Variants in UBE2QL1 observed in about 807,000 individuals in gnomAD.
UBE2QL1 encodes the protein ubiquitin conjugating enzyme E2 QL1.
A neutral mutation model predicts 12.6 loss-of-function variants in UBE2QL1; 5 were observed. The observed-to-expected ratio is 0.40, with a 90% confidence interval of 0.21 to 0.83. The LOEUF is 0.83. Among genes scored for constraint, UBE2QL1 ranks in the 40% least tolerant of loss-of-function variants. The pLI is 0.37. For synonymous variants in UBE2QL1, 96 were observed against 94.5 expected (o/e 1.02, Z -0.10); for missense variants, 99 against 222.6 (o/e 0.44, Z 3.53).
chr5:6,462,475 T>C lies in UBE2QL1; in HGVS notation c.354+13228T>C, dbSNP rs73036237. ...CTCATGCTCCCGAGGGTGGCATGGC[T>C]GAAGCAGACCAGTGCTCCTCAAGGA... On this transcript the variant is annotated intron_variant, in intron 1 of 1. Transcript: ENST00000399816. Among the ~76,000 whole-genome samples the C allele has an allele frequency of 1.9e-3, 282 of 152,290 alleles. 1 individual carries two copies. The highest frequency in any genetic ancestry group is 6.4e-3 in the African/African-American group (268 of 41,552).
In UBE2QL1 at chr5:6,479,862, C is replaced by T. The variant is rs113812589; in HGVS notation, c.355-11356C>T. On this transcript the variant is annotated intron_variant, in intron 1 of 1. Transcript: ENST00000399816. This position sits in a 1 kb window ranked among gnomAD's most constrained non-coding sequence, Gnocchi z 4.2. ...ACCACGTCAGGCAGGTAGCGTGTGC[C>T]GAGGCCCCCACATGTGCTGCAAAGA... Among the ~76,000 whole-genome samples the T allele has an allele frequency of 6.7e-4, 102 of 152,274 alleles. 2 individuals carry two copies. Among genetic ancestry groups the T allele is most frequent in the African/African-American group, 2.2e-3 (93 of 41,548 alleles).
chr5:6,461,540 A>AT (rs1553987848), intron 1 of UBE2QL1, among the ~76,000 whole-genome samples: 1 of 46,824 alleles, frequency 2.1e-5, no homozygotes, highest in African/African-American at 6.1e-5. Context: ...TTCAGCACCC[A>AT]CCACCCCCCC....
At chr5:6,461,785 T>A (rs1739672193) in intron 1 of UBE2QL1, among the ~76,000 whole-genome samples, 1 of 152,174 alleles carries the variant, frequency 6.6e-6, no homozygotes. Flanking sequence ...ACGTAATCTT[T>A]TAGTGAGATG....
At chr5:6,477,831 A>G (rs951197201) in intron 1 of UBE2QL1, among the ~76,000 whole-genome samples, 1 of 152,222 alleles carries the variant, frequency 6.6e-6, no homozygotes, top group Non-Finnish European at 1.5e-5. Flanking sequence ...AGGCTGTTCC[A>G]GGAGGTTTCA....
rs1018768198 is a variant in UBE2QL1, at chr5:6,481,159, T to C, written c.355-10059T>C. ...GGCCATTTCACCTGTGCACGCTTCG[T>C]TGTGGCTGCACCTGCCCTAATTCCC... On this transcript the variant is annotated intron_variant, in intron 1 of 1. Coordinates refer to ENST00000399816, the MANE Select transcript of UBE2QL1 (RefSeq NM_001145161.3). This position sits in a 1 kb window ranked among gnomAD's most constrained non-coding sequence, Gnocchi z 4.5. Among the ~76,000 whole-genome samples the C allele has an allele frequency of 6.6e-6, 1 of 152,162 alleles. No individual in the cohort carries two copies. The highest frequency in any genetic ancestry group is 1.5e-5 in the Non-Finnish European group (1 of 68,038).
At chr5:6,467,165 G>A (rs1410074648) in intron 1 of UBE2QL1, among the ~76,000 whole-genome samples, 1 of 151,678 alleles carries the variant, frequency 6.6e-6, no homozygotes, top group Non-Finnish European at 1.5e-5. Context: ...GTCTCTCTCT[G>A]CCTCCCTCCC....
At position 6,452,491 on chromosome 5, in the gene UBE2QL1, A is replaced by T. The variant is rs988557551; in HGVS notation, c.354+3244A>T. Among the ~76,000 whole-genome samples, 9 of 152,296 alleles carry T rather than the reference A, an allele frequency of 5.9e-5. No homozygotes were observed. The South Asian group carries it at 6.2e-4, about 11-fold the overall frequency. ...TTATAATTGGATTTTAAAACTCTGT[A>T]CTTTTAGAATGAACTGGTGAAAATG... On this transcript the variant is annotated intron_variant, in intron 1 of 1. Transcript: ENST00000399816.
chr5:6,449,153 T>G lies in UBE2QL1; in HGVS notation c.260T>G (p.Ile87Ser). 1 of 1,544,762 alleles carries G rather than the reference T, an allele frequency of 6.5e-7. No individual in the cohort carries two copies. The highest frequency in any genetic ancestry group is 8.7e-7 in the Non-Finnish European group (1 of 1,144,442). ...ENGYVLDGGA[I>S]CMELLTPRGW... ...GGCTACGTGCTGGACGGCGGCGCCA[T>G]CTGCATGGAGCTGCTCACGCCGCGC... Residue 87 changes from isoleucine (I) to serine (S), a missense_variant, in exon 1 of 2, where the codon ATC (isoleucine) becomes AGC (serine). Physicochemically the swap from Ile to Ser is moderately radical, Grantham distance 142. Transcript: ENST00000399816.
chr5:6,495,866 G>A lies in UBE2QL1; in HGVS notation c.*4517G>A, dbSNP rs1427261512. Among the ~76,000 whole-genome samples, 1 of 152,206 alleles carries A rather than the reference G, an allele frequency of 6.6e-6. No homozygotes were observed. Among genetic ancestry groups the A allele is most frequent in the Admixed American group, 6.5e-5 (1 of 15,284 alleles). On this transcript the variant is annotated 3_prime_UTR_variant, in exon 2 of 2. Coordinates refer to ENST00000399816, the MANE Select transcript of UBE2QL1 (RefSeq NM_001145161.3). ...ATTTTTGCAGCCTCTAGTTCCCATA[G>A]TATTAAATATCATTTTTAAGCCCAG...
Position 6,460,808 on chromosome 5 carries a change from C to T in UBE2QL1, c.354+11561C>T, listed in dbSNP as rs1391358107. ...CATTTACCTCTGTGCTCCCTAAATG[C>T]ACATCAAAAGTCCTTGTTAGCCATT... On this transcript the variant is annotated intron_variant, in intron 1 of 1. Coordinates refer to ENST00000399816, the MANE Select transcript of UBE2QL1 (RefSeq NM_001145161.3). Among the ~76,000 whole-genome samples the T allele has an allele frequency of 2.0e-5, 3 of 152,184 alleles. No individual in the cohort carries two copies. The East Asian group carries it at 5.8e-4, about 29-fold the overall frequency.
At chr5:6,451,260 A>G (rs201774444) in intron 1 of UBE2QL1, among the ~76,000 whole-genome samples, 1 of 133,794 alleles carries the variant, frequency 7.5e-6, no homozygotes, top group Admixed American at 7.4e-5. Flanking sequence ...TTTTTTTTTT[A>G]AGAGAGAGAG....
chr5:6,487,825 A>G (rs1195749277), intron 1 of UBE2QL1, among the ~76,000 whole-genome samples: 1 of 152,166 alleles, frequency 6.6e-6, no homozygotes, highest in East Asian at 1.9e-4. Context: ...GGAAGGATGA[A>G]TGGCAATTCC....
chr5:6,484,192 A>T (rs1484530284), intron 1 of UBE2QL1, among the ~76,000 whole-genome samples: 1 of 152,144 alleles, frequency 6.6e-6, no homozygotes, highest in Non-Finnish European at 1.5e-5. Flanking sequence ...TTTGAGTGAA[A>T]CCCAACAGGG....
Position 6,495,693 on chromosome 5 carries a change from C to T in UBE2QL1, c.*4344C>T, listed in dbSNP as rs1734654924. Reference sequence around the variant, plus strand: ...AATTGGAGCAAAGGGCAGAAATTCCCTCCAACTGTTTTGGGAAGCTTCTGT... The same window carrying T: ...AATTGGAGCAAAGGGCAGAAATTCCTTCCAACTGTTTTGGGAAGCTTCTGT... On this transcript the variant is annotated 3_prime_UTR_variant, in exon 2 of 2. Coordinates refer to ENST00000399816, the MANE Select transcript of UBE2QL1 (RefSeq NM_001145161.3). 6.6e-6 allele frequency among the ~76,000 whole-genome samples: 1 copy of T among 152,202 alleles called. No individual in the cohort carries two copies. The highest frequency in any genetic ancestry group is 2.1e-4 in the South Asian group (1 of 4,834).
At chr5:6,454,546 A>G (rs886882302) in intron 1 of UBE2QL1, among the ~76,000 whole-genome samples, 1 of 152,182 alleles carries the variant, frequency 6.6e-6, no homozygotes, top group African/African-American at 2.4e-5. Context: ...TTCAGCCCAT[A>G]ACACAACCAA....
At chr5:6,484,539 G>T (rs929824539) in intron 1 of UBE2QL1, among the ~76,000 whole-genome samples, 2 of 152,166 alleles carry the variant, frequency 1.3e-5, no homozygotes, top group South Asian at 4.2e-4. Context: ...TGCAAAGGTT[G>T]CCCAGGTCAA....
chr5:6,475,170 G>T (rs1734205679), intron 1 of UBE2QL1, among the ~76,000 whole-genome samples: 1 of 152,124 alleles, frequency 6.6e-6, no homozygotes, highest in Non-Finnish European at 1.5e-5. Flanking sequence ...ACAAATAAAA[G>T]AATTAAAATC....
chr5:6,463,829 A>G lies in UBE2QL1; in HGVS notation c.354+14582A>G, dbSNP rs184405118. 3.6e-3 allele frequency among the ~76,000 whole-genome samples: 540 copies of G among 151,820 alleles called. 2 individuals carry two copies. Among genetic ancestry groups the G allele is most frequent in the African/African-American group, 9.0e-3 (372 of 41,408 alleles). On this transcript the variant is annotated intron_variant, in intron 1 of 1. Coordinates refer to ENST00000399816, the MANE Select transcript of UBE2QL1 (RefSeq NM_001145161.3). ...TTTTTAGTAGAGACGGGGTTTCACCATGTTAGCCAAGATGATGTCGATCTC... is the reference window on the plus strand; with the variant it reads ...TTTTTAGTAGAGACGGGGTTTCACCGTGTTAGCCAAGATGATGTCGATCTC...
intron 1 of UBE2QL1, among the ~76,000 whole-genome samples, chr5:6,482,131 G>A (rs1734374847): frequency 6.6e-6 from 1 of 152,190 alleles, no homozygotes; most frequent in Admixed American, 6.5e-5. Flanking sequence ...TATGGCAATG[G>A]AGGCAGAGAT....
Sources: allele counts gnomAD v4.1 joint callset (sites outside exome capture counted in the v4.1 genomes callset), GRCh38; gene constraint gnomAD v4.1.1; non-coding constraint Gnocchi (gnomAD v3.1); transcripts MANE v1.5; gene names NCBI Gene and HGNC (gene_info 2026-07-23, HGNC 2026-07-21).